Variants in DGKI observed in about 807,000 individuals in gnomAD.
DGKI encodes diacylglycerol kinase iota, also known as DAG kinase iota.
Under a neutral mutation model 147.5 loss-of-function variants are expected in DGKI, and 55 were observed. That is an observed-to-expected ratio of 0.37 (90% CI 0.30 to 0.47). DGKI has a LOEUF of 0.47. Ranked by LOEUF, DGKI falls within the 20% of genes least tolerant of loss-of-function variation. The probability of loss-of-function intolerance (pLI) is 1.00; values close to 1 mark genes in which losing one functional copy is unlikely to be tolerated. For missense variants in DGKI, 1,007 were observed against 1,323.8 expected (o/e 0.76, Z 3.71); for synonymous variants, 469 against 477.1 (o/e 0.98, Z 0.22).
intron 5 of DGKI, among the ~76,000 whole-genome samples, chr7:137,651,843 G>T (rs1275063141): frequency 6.6e-6 from 1 of 152,114 alleles, no homozygotes; most frequent in Non-Finnish European, 1.5e-5. Context: ...GGAATATGTA[G>T]TATCTTGAAT....
intron 1 of DGKI, among the ~76,000 whole-genome samples, chr7:137,764,562 C>T (rs1392157923): frequency 6.6e-6 from 1 of 152,146 alleles, no homozygotes; most frequent in Non-Finnish European, 1.5e-5. Flanking sequence ...TGCTTAGATG[C>T]CTCCAAAGGC....
At chr7:137,743,327 A>G (rs994586773) in intron 1 of DGKI, among the ~76,000 whole-genome samples, 5 of 152,228 alleles carry the variant, frequency 3.3e-5, no homozygotes, top group South Asian at 2.1e-4. Flanking sequence ...AAGAAAATAC[A>G]TTCTTCTCAT....
chr7:137,527,714 T>C (rs1210014719), intron 20 of DGKI, among the ~76,000 whole-genome samples: 3 of 152,174 alleles, frequency 2.0e-5, no homozygotes, highest in Non-Finnish European at 4.4e-5. Flanking sequence ...GCTACTCATA[T>C]AGAGTTGTTT....
intron 20 of DGKI, among the ~76,000 whole-genome samples, chr7:137,538,724 T>C (rs1817594724): frequency 6.6e-6 from 1 of 152,164 alleles, no homozygotes; most frequent in East Asian, 1.9e-4. Context: ...TGAAGGTGGG[T>C]CAGCACACAG....
rs181360761 is a variant in DGKI, at chr7:137,519,044, G to C, written c.2248+2822C>G. Among the ~76,000 whole-genome samples the C allele has an allele frequency of 2.0e-5, 3 of 152,152 alleles. No individual in the cohort carries two copies. The East Asian group carries it at 5.8e-4, about 29-fold the overall frequency. On this transcript the variant is annotated intron_variant, in intron 21 of 32. Coordinates refer to ENST00000614521, the MANE Select transcript of DGKI (RefSeq NM_001321708.2). ...TCTGAGGGTTGATAAATCCTATGGA[G>C]TGAGGAAGACTTTTAGTGTCTTACA... is the stretch of plus-strand genomic sequence containing the variant.
chr7:137,475,660 C>T (rs1016827507), intron 23 of DGKI, among the ~76,000 whole-genome samples: 1 of 152,098 alleles, frequency 6.6e-6, no homozygotes, highest in Non-Finnish European at 1.5e-5. Flanking sequence ...TCACAAAAAA[C>T]GAAGCATGGA....
intron 28 of DGKI, among the ~76,000 whole-genome samples, chr7:137,412,468 A>T (rs2128901428): frequency 6.6e-6 from 1 of 152,262 alleles, no homozygotes; most frequent in East Asian, 1.9e-4. Flanking sequence ...AGTCACGCAA[A>T]TTGGGTTCAA....
chr7:137,466,817 A>C, intron 25 of DGKI, 85 bp downstream of exon 25: 1 of 1,439,210 alleles, frequency 6.9e-7, no homozygotes, highest in Non-Finnish European at 9.8e-7. Context: ...GGTTTTCGTT[A>C]GAAAAATTTA....
At chr7:137,767,094 C>T (rs558555861) in intron 1 of DGKI, among the ~76,000 whole-genome samples, 198 of 152,034 alleles carry the variant, frequency 1.3e-3, no homozygotes, top group Non-Finnish European at 1.2e-4. Flanking sequence ...GATGGGGGGG[C>T]CACTACCAGA....
chr7:137,673,911 C>T (rs997668258), intron 3 of DGKI, among the ~76,000 whole-genome samples: 1 of 152,092 alleles, frequency 6.6e-6, no homozygotes, highest in Non-Finnish European at 1.5e-5. Flanking sequence ...GCCCGCTAAA[C>T]GGTGAGGCAC....
chr7:137,560,377 T>C (rs1315626006), intron 19 of DGKI, among the ~76,000 whole-genome samples: 6 of 151,872 alleles, frequency 4.0e-5, no homozygotes, highest in Non-Finnish European at 5.9e-5. Flanking sequence ...AAAGGGAGAA[T>C]TGAGCATAAA....
chr7:137,553,581 T>C (rs1035835903), intron 19 of DGKI, among the ~76,000 whole-genome samples: 1 of 152,210 alleles, frequency 6.6e-6, no homozygotes, highest in Non-Finnish European at 1.5e-5. Flanking sequence ...GTATTATTTA[T>C]CCTTCTAGGA....
intron 1 of DGKI, among the ~76,000 whole-genome samples, chr7:137,825,142 C>G (rs767020244): frequency 3.3e-5 from 5 of 152,286 alleles, no homozygotes; most frequent in Admixed American, 6.5e-5. Flanking sequence ...CACAATAAAG[C>G]TCTGTAGTTC....
chr7:137,530,919 C>T (rs1817316651), intron 20 of DGKI, among the ~76,000 whole-genome samples: 1 of 152,168 alleles, frequency 6.6e-6, no homozygotes, highest in African/African-American at 2.4e-5. Flanking sequence ...AATTTCTACT[C>T]ATTACTAGAT....
chr7:137,738,069 C>T (rs1397041870), intron 1 of DGKI, among the ~76,000 whole-genome samples: 1 of 152,094 alleles, frequency 6.6e-6, no homozygotes, highest in Non-Finnish European at 1.5e-5. Flanking sequence ...AAGCAATACT[C>T]AAGGATTTTC....
At chr7:137,543,922 A>T (rs957113985) in intron 20 of DGKI, among the ~76,000 whole-genome samples, 2 of 152,172 alleles carry the variant, frequency 1.3e-5, no homozygotes, top group Non-Finnish European at 2.9e-5. Context: ...AGTTTTATTA[A>T]CTGATTTTTA....
chr7:137,823,061 C>CAA (rs113953441), intron 1 of DGKI, among the ~76,000 whole-genome samples: 35 of 133,540 alleles, frequency 2.6e-4, no homozygotes, highest in African/African-American at 9.3e-4. Context: ...TCCCCCAACC[C>CAA]AAAAAAAAAA....
intron 21 of DGKI, among the ~76,000 whole-genome samples, 178 bp downstream of exon 21, chr7:137,521,688 C>T (rs1204768980): frequency 6.6e-6 from 1 of 152,130 alleles, no homozygotes; most frequent in Admixed American, 6.6e-5. Context: ...TTTTCCAGTT[C>T]CTTTTTCTGT....
At chr7:137,623,402 C>A in intron 7 of DGKI, 81 bp downstream of exon 7, 1 of 1,356,552 alleles carries the variant, frequency 7.4e-7, no homozygotes, top group Non-Finnish European at 1.1e-6. Context: ...CCTTCTACTT[C>A]CAGGGAGAAA....
Sources: gnomAD v4.1 joint callset for allele counts (sites outside exome capture counted in the v4.1 genomes callset) on GRCh38, gnomAD v4.1.1 for gene constraint, MANE v1.5 for transcripts, NCBI Gene and HGNC (gene_info 2026-07-23, HGNC 2026-07-21) for gene names.